The following GLDC variants were observed in gnomAD, a reference collection of about 807,000 sequenced individuals.
GLDC encodes the protein glycine dehydrogenase (decarboxylating), mitochondrial.
GLDC carries 104 observed loss-of-function variants against 121.3 expected under a neutral mutation model. That is an observed-to-expected ratio of 0.86 (90% CI 0.73 to 1.01). The LOEUF (loss-of-function observed/expected upper bound fraction) is 1.01. Ranked by LOEUF, GLDC falls within the 50% of genes least tolerant of loss-of-function variation. GLDC has a pLI of 0.00. For missense variants in GLDC, 1,429 were observed against 1,306.6 expected (o/e 1.09, Z -1.44); for synonymous variants, 546 against 480.6 (o/e 1.14, Z -1.78).
rs890446856 is a variant in GLDC, at chr9:6,534,667, C to A, written c.2919+41G>T. The A allele has an allele frequency of 4.8e-6, 5 of 1,037,254 alleles. No homozygotes were observed. In the African/African-American group the frequency reaches 6.3e-5, roughly 13 times the overall value. 64.3% of individuals were successfully genotyped at this position (1,037,254 alleles called of 1,614,324 possible). A position where few individuals can be genotyped will look rare whatever the true frequency, so the allele number is the denominator to read the frequency against. On this transcript the variant is annotated intron_variant, in intron 24 of 24. Coordinates refer to ENST00000321612, the MANE Select transcript of GLDC (RefSeq NM_000170.3). ...ACACCCGTCAGGATAGGAGCTGGCCCATGCCTTCCCAGCTGGCACATTCAG... is the reference window on the plus strand; with the variant it reads ...ACACCCGTCAGGATAGGAGCTGGCCAATGCCTTCCCAGCTGGCACATTCAG...
chr9:6,598,957 G>C (rs1238349241), intron 8 of GLDC, among the ~76,000 whole-genome samples: 1 of 152,122 alleles, frequency 6.6e-6, no homozygotes, highest in African/African-American at 2.4e-5. Context: ...AAGGCGGGCG[G>C]ATCACCTGAG....
chr9:6,602,229 G>A (rs1368622425), intron 7 of GLDC, 24 bp from the exon 8 acceptor site: 2 of 1,351,704 alleles, frequency 1.5e-6, no homozygotes, highest in Non-Finnish European at 2.1e-6. Flanking sequence ...AAGGCATCCA[G>A]TTAGCACAGA....
chr9:6,556,302 C>A lies in GLDC; in HGVS notation c.2053G>T (p.Val685Leu), dbSNP rs367988640. The A allele has an allele frequency of 1.1e-5, 17 of 1,612,958 alleles. No individual in the cohort carries two copies. In the South Asian group the frequency reaches 1.6e-4, roughly 16 times the overall value. ...GCTAGGTTCTCCTTGTGCTTATCCA[C>A]CTGTGAAAGAAAAGGGGTAGAGAAG... ...NIDAVHLKAM[V>L]DKHKENLAAI... Residue 685 changes from valine (V) to leucine (L), a missense_variant and splice_region_variant, in exon 18 of 25, where the codon GTG becomes TTG. Physicochemically the swap from Val to Leu is conservative, Grantham distance 32. Coordinates refer to ENST00000321612, the MANE Select transcript of GLDC (RefSeq NM_000170.3).
chr9:6,587,191 C>G lies in GLDC; in HGVS notation c.1800G>C (p.Lys600Asn). Residue 600 changes from lysine to asparagine, a missense_variant, in exon 15 of 25, where the codon AAG becomes AAC. By Grantham distance (94) the Lys-to-Asn change is moderately conservative. Coordinates refer to ENST00000321612, the MANE Select transcript of GLDC (RefSeq NM_000170.3). Reference protein sequence around the residue: ...GYQQLFRELEKDLCELTGYDQ... With the variant: ...GYQQLFRELENDLCELTGYDQ... ...CATAACCTGTGAGTTCACACAAATCCTTCTCAAGCTCTCGGAAAAGCTGCT... is the reference window on the plus strand; with the variant it reads ...CATAACCTGTGAGTTCACACAAATCGTTCTCAAGCTCTCGGAAAAGCTGCT... 1.2e-6 allele frequency: 2 copies of G among 1,613,962 alleles called. No homozygotes were observed. The highest frequency in any genetic ancestry group is 1.7e-6 in the Non-Finnish European group (2 of 1,179,890).
chr9:6,591,447 G>T (rs148513755), intron 11 of GLDC, among the ~76,000 whole-genome samples: 2 of 152,170 alleles, frequency 1.3e-5, no homozygotes, highest in African/African-American at 4.8e-5. Flanking sequence ...ATTCACCACT[G>T]TGTCTTCAGG....
intron 4 of GLDC, among the ~76,000 whole-genome samples, chr9:6,608,000 A>G (rs1223702649): frequency 6.6e-6 from 1 of 151,976 alleles, no homozygotes; most frequent in African/African-American, 2.4e-5. Flanking sequence ...GCATGGGCCT[A>G]TAGTCCCAGC....
chr9:6,586,616 G>C (rs1007454949), intron 15 of GLDC, among the ~76,000 whole-genome samples: 28 of 152,326 alleles, frequency 1.8e-4, no homozygotes, highest in African/African-American at 6.5e-4. Flanking sequence ...TTCTTATGCT[G>C]TGTCACTGAC....
chr9:6,642,644 G>C (rs1819652085), intron 2 of GLDC, among the ~76,000 whole-genome samples: 1 of 152,164 alleles, frequency 6.6e-6, no homozygotes. Context: ...AAATTATTCA[G>C]CTGGAACCAA....
intron 15 of GLDC, among the ~76,000 whole-genome samples, chr9:6,571,031 C>T (rs182536985): frequency 6.6e-6 from 1 of 152,024 alleles, no homozygotes; most frequent in African/African-American, 2.4e-5. Context: ...ATCCAGCATA[C>T]AGCCCTTTGT....
In GLDC at chr9:6,610,317, CT is replaced by C. The variant is rs778891915; in HGVS notation, c.509del (p.Gln170ArgfsTer61). On this transcript the variant is annotated frameshift_variant, in exon 4 of 25. Transcript: ENST00000321612. LOFTEE classifies it high-confidence loss of function. ...AGTTGAGTAAACTCTCCAGCCTCCC[CT>C]GAGACACCTCAGGCTGGTATGGAGT... The part of the protein sequence containing the change: ...QYTPYQPEVS[Q>X]GRLESLLNYQ... 1.2e-6 allele frequency: 2 copies of C among 1,613,992 alleles called. No homozygotes were observed. Among genetic ancestry groups the C allele is most frequent in the Non-Finnish European group, 8.5e-7 (1 of 1,179,892 alleles).
chr9:6,543,021 T>G (rs868380600), intron 21 of GLDC, among the ~76,000 whole-genome samples: 2 of 151,438 alleles, frequency 1.3e-5, no homozygotes, highest in Non-Finnish European at 1.5e-5. Context: ...TTATCAACTA[T>G]TAATACCAGG....
intron 7 of GLDC, among the ~76,000 whole-genome samples, chr9:6,603,779 G>C (rs1200853917): frequency 6.7e-6 from 1 of 149,358 alleles, no homozygotes. Flanking sequence ...ACCCAAACTG[G>C]AGTGAGGCAG....
intron 11 of GLDC, among the ~76,000 whole-genome samples, chr9:6,589,979 T>C (rs141669250): frequency 0.017 from 2,538 of 151,440 alleles, 67 homozygotes; most frequent in African/African-American, 0.059. Context: ...GGCGTGAACC[T>C]GGGAGGTGGA....
intron 10 of GLDC, 117 bp from the exon 11 acceptor site, chr9:6,592,340 T>A (rs1818391290): frequency 4.1e-6 from 3 of 740,074 alleles, no homozygotes; most frequent in Non-Finnish European, 7.3e-6. Flanking sequence ...TTCCAAAATA[T>A]CAGGGTACAA....
intron 9 of GLDC, among the ~76,000 whole-genome samples, 160 bp downstream of exon 9, chr9:6,594,854 A>G (rs1818460084): frequency 6.6e-6 from 1 of 152,226 alleles, no homozygotes; most frequent in African/African-American, 2.4e-5. Context: ...AAAGAAAGAA[A>G]GCAAAACAAC....
intron 2 of GLDC, among the ~76,000 whole-genome samples, chr9:6,628,392 A>G (rs1221173993): frequency 6.6e-6 from 1 of 152,266 alleles, no homozygotes; most frequent in Non-Finnish European, 1.5e-5. Context: ...TCAACTGGAC[A>G]AAACCAGCTT....
At chr9:6,637,743 A>G (rs1819536247) in intron 2 of GLDC, among the ~76,000 whole-genome samples, 1 of 152,174 alleles carries the variant, frequency 6.6e-6, no homozygotes, top group Non-Finnish European at 1.5e-5. Flanking sequence ...CTAGGATTAC[A>G]GGCATGAGCC....
intron 4 of GLDC, among the ~76,000 whole-genome samples, chr9:6,607,434 G>A (rs57680272): frequency 2.4e-4 from 37 of 151,376 alleles, no homozygotes; most frequent in African/African-American, 6.6e-4. Flanking sequence ...ACTACAAAAC[G>A]TAGCCAGGCA....
chr9:6,570,170 G>A (rs752267746), intron 15 of GLDC, among the ~76,000 whole-genome samples: 1 of 152,166 alleles, frequency 6.6e-6, no homozygotes, highest in Non-Finnish European at 1.5e-5. Context: ...GTGAACACCA[G>A]CAGTCACCAA....
Sources: gnomAD v4.1 joint callset for allele counts (sites outside exome capture counted in the v4.1 genomes callset) on GRCh38, gnomAD v4.1.1 for gene constraint, MANE v1.5 for transcripts, NCBI Gene and HGNC (gene_info 2026-07-23, HGNC 2026-07-21) for gene names.